ATG7: variants seen among roughly 807,000 people sequenced by gnomAD.
ATG7 encodes the protein ubiquitin-like modifier-activating enzyme ATG7.
A neutral mutation model predicts 82.4 loss-of-function variants in ATG7; 70 were observed. The observed-to-expected ratio is 0.85, with a 90% CI of 0.70 to 1.04. The LOEUF (loss-of-function observed/expected upper bound fraction) is 1.04. ATG7 is among the 50% of genes least tolerant of loss of function. The pLI is 0.00. For synonymous variants in ATG7, 287 were observed against 313.0 expected, an observed-to-expected ratio of 0.92 and a Z score of 0.88; for missense variants, 792 against 864.3, an observed-to-expected ratio of 0.92 and a Z score of 1.05.
chr3:11,434,612 AACTT>A (rs1214077139), intron 20 of ATG7, among the ~76,000 whole-genome samples: 1 of 152,218 alleles, frequency 6.6e-6, no homozygotes, highest in Non-Finnish European at 1.5e-5. Flanking sequence ...TCTCACTTAT[AACTT>A]ACTTTATAAA....
intron 5 of ATG7, among the ~76,000 whole-genome samples, chr3:11,303,168 T>A (rs1947056482): frequency 6.6e-6 from 1 of 152,142 alleles, no homozygotes; most frequent in African/African-American, 2.4e-5. Context: ...AGAGACACAC[T>A]TAGTCTCTTA....
chr3:11,529,452 A>C (rs929113346), intron 20 of ATG7: 1 of 152,690 alleles, frequency 6.5e-6, no homozygotes, highest in South Asian at 2.1e-4. Flanking sequence ...AGTCTTAGTC[A>C]TATGAATGAA....
At chr3:11,335,936 A>T (rs376531820) in intron 11 of ATG7, among the ~76,000 whole-genome samples, 2 of 150,454 alleles carry the variant, frequency 1.3e-5, no homozygotes, top group East Asian at 3.9e-4. Context: ...TAATCTCATG[A>T]TCCACCCGCC....
At chr3:11,478,830 T>A (rs2088565163) in intron 20 of ATG7, among the ~76,000 whole-genome samples, 1 of 151,912 alleles carries the variant, frequency 6.6e-6, no homozygotes, top group Admixed American at 6.5e-5. Context: ...TTAAAGTTAT[T>A]CTCAACTTCC....
At chr3:11,538,226 G>A (rs61709349) in intron 20 of ATG7, among the ~76,000 whole-genome samples, 2,261 of 152,300 alleles carry the variant, frequency 0.015, 40 homozygotes, top group East Asian at 0.074. Flanking sequence ...CAGGCTGGGT[G>A]GCACTGCCCT....
At chr3:11,386,748 A>G (rs1337328411) in intron 19 of ATG7, among the ~76,000 whole-genome samples, 1 of 152,210 alleles carries the variant, frequency 6.6e-6, no homozygotes, top group Non-Finnish European at 1.5e-5. Flanking sequence ...ATTTTAATGT[A>G]TGATGGATTC....
chr3:11,385,175 G>T (rs1473795758), intron 19 of ATG7, among the ~76,000 whole-genome samples: 1 of 152,132 alleles, frequency 6.6e-6, no homozygotes, highest in Admixed American at 6.5e-5. Flanking sequence ...GACTACAGGC[G>T]TGCGCCACCA....
At chr3:11,363,940 A>C (rs1382387574) in intron 17 of ATG7, among the ~76,000 whole-genome samples, 5 of 152,136 alleles carry the variant, frequency 3.3e-5, no homozygotes, top group Non-Finnish European at 5.9e-5. Context: ...CCTCTTTGTC[A>C]TCCACCTTAG....
chr3:11,291,295 CT>C (rs1205030214), intron 3 of ATG7, among the ~76,000 whole-genome samples: 1 of 152,118 alleles, frequency 6.6e-6, no homozygotes, highest in Non-Finnish European at 1.5e-5. Flanking sequence ...TGGCCAGGGC[CT>C]TTTTGTTTTG....
At chr3:11,488,683 C>G (rs2090030771) in intron 20 of ATG7, among the ~76,000 whole-genome samples, 2 of 152,198 alleles carry the variant, frequency 1.3e-5, no homozygotes, top group African/African-American at 4.8e-5. Context: ...TCTTCTGGTT[C>G]TGTTTATATG....
chr3:11,490,966 T>C (rs1449029341), intron 20 of ATG7, among the ~76,000 whole-genome samples: 4 of 152,244 alleles, frequency 2.6e-5, no homozygotes, highest in African/African-American at 4.8e-5. Context: ...TTGCTCTTCT[T>C]GAGGAGTATC....
At chr3:11,519,303 T>A (rs1241921867) in intron 20 of ATG7, among the ~76,000 whole-genome samples, 1 of 152,166 alleles carries the variant, frequency 6.6e-6, no homozygotes, top group Non-Finnish European at 1.5e-5. Flanking sequence ...ATCCCCATTT[T>A]AATGATGAGG....
intron 16 of ATG7, 105 bp from the exon 17 acceptor site, chr3:11,362,708 T>C (rs2076359271): frequency 1.2e-6 from 1 of 839,010 alleles, no homozygotes; most frequent in Non-Finnish European, 1.9e-6. Flanking sequence ...ACAATGAGCA[T>C]CTGGTTATAA....
In ATG7 at chr3:11,557,116, A is replaced by G. The variant is rs1314215278; in HGVS notation, c.*2273A>G. On this transcript the variant is annotated 3_prime_UTR_variant, in exon 21 of 21. Coordinates refer to ENST00000693202, the MANE Select transcript of ATG7 (RefSeq NM_001349232.2). ...GCCTCTGGTGGGCCAGGTGGGACACAGCACACCCCAGGGGGAGGGGATAGA... is the reference window on the plus strand; with the variant it reads ...GCCTCTGGTGGGCCAGGTGGGACACGGCACACCCCAGGGGGAGGGGATAGA... The G allele has an allele frequency of 2.0e-5, 3 of 152,548 alleles. No individual in the cohort carries two copies. The highest frequency in any genetic ancestry group is 7.2e-5 in the African/African-American group (3 of 41,470). 9.4% of individuals were successfully genotyped at this position (152,548 alleles called of 1,614,324 possible).
chr3:11,389,235 A>C (rs1415743900), intron 19 of ATG7, among the ~76,000 whole-genome samples: 1 of 148,616 alleles, frequency 6.7e-6, no homozygotes, highest in African/African-American at 2.5e-5. Context: ...CCTGTCTCAA[A>C]AAAAAAAAAA....
chr3:11,467,531 G>A (rs1044234774), intron 20 of ATG7, among the ~76,000 whole-genome samples: 5 of 151,986 alleles, frequency 3.3e-5, no homozygotes, highest in Admixed American at 3.3e-4. Flanking sequence ...ATCCACCATC[G>A]TGCCTGACTA....
intron 20 of ATG7, among the ~76,000 whole-genome samples, chr3:11,531,701 G>A (rs929182832): frequency 6.6e-6 from 1 of 151,880 alleles, no homozygotes; most frequent in Admixed American, 6.6e-5. Context: ...GCAAAACCCT[G>A]TCTTTGCAAA....
intron 5 of ATG7, among the ~76,000 whole-genome samples, chr3:11,305,112 C>A (rs897285549): frequency 7.2e-5 from 11 of 152,212 alleles, no homozygotes; most frequent in Non-Finnish European, 1.2e-4. Context: ...GGAAACTAAA[C>A]TAGGAAGTGT....
At chr3:11,507,940 C>A (rs1031443045) in intron 20 of ATG7, among the ~76,000 whole-genome samples, 1 of 145,088 alleles carries the variant, frequency 6.9e-6, no homozygotes, top group African/African-American at 2.5e-5. Flanking sequence ...AACCCTGAAC[C>A]TTGCTGGTAA....
Sources: gnomAD v4.1 joint callset for allele counts (sites outside exome capture counted in the v4.1 genomes callset) on GRCh38, gnomAD v4.1.1 for gene constraint, MANE v1.5 for transcripts, NCBI Gene and HGNC (gene_info 2026-07-23, HGNC 2026-07-21) for gene names.